The following GRIA1 variants were observed in gnomAD, a reference collection of about 807,000 sequenced individuals.
The protein encoded by GRIA1 is glutamate ionotropic receptor AMPA type subunit 1, also known as glutamate receptor 1.
GRIA1 carries 31 observed loss-of-function variants against 99.2 expected under a neutral mutation model. The observed-to-expected ratio is 0.31, with a 90% CI of 0.23 to 0.42. The LOEUF (loss-of-function observed/expected upper bound fraction) is 0.42, where lower values mean the gene tolerates loss of function less well. Ranked by LOEUF, GRIA1 falls within the 10% of genes least tolerant of loss-of-function variation. The probability of loss-of-function intolerance (pLI) is 1.00; values close to 1 mark genes in which losing one functional copy is unlikely to be tolerated. For synonymous variants in GRIA1, 438 were observed against 432.4 expected, an observed-to-expected ratio of 1.01 and a Z score of -0.16; for missense variants, 782 against 1,157.5, an observed-to-expected ratio of 0.68 and a Z score of 4.71.
chr5:153,645,226 G>A (rs1441944594), intron 2 of GRIA1, among the ~76,000 whole-genome samples: 1 of 152,136 alleles, frequency 6.6e-6, no homozygotes, highest in East Asian at 1.9e-4. Context: ...TCAGTAACTA[G>A]AAGTATGCAA....
In GRIA1 at chr5:153,599,980, A is replaced by G. The variant is rs180808227; in HGVS notation, c.221-46948A>G. ...CTGTCGGCTTGACTAAAGTGTGTGC[A>G]GGGAGATGAAGCCCGCTAGATAAGG... On this transcript the variant is annotated intron_variant, in intron 2 of 15. Transcript: ENST00000285900. 4.5e-3 allele frequency among the ~76,000 whole-genome samples: 682 copies of G among 152,262 alleles called. 6 individuals carry two copies. Among genetic ancestry groups the G allele is most frequent in the African/African-American group, 0.016 (671 of 41,548 alleles).
chr5:153,713,565 G>A (rs1759473649), intron 11 of GRIA1, among the ~76,000 whole-genome samples: 2 of 152,218 alleles, frequency 1.3e-5, no homozygotes, highest in African/African-American at 4.8e-5. Context: ...AGTTTCACAA[G>A]CTCCAAAGGC....
intron 7 of GRIA1, among the ~76,000 whole-genome samples, chr5:153,680,797 A>G (rs10070086): frequency 0.14 from 21,970 of 152,182 alleles, 1,694 homozygotes; most frequent in South Asian, 0.19. Flanking sequence ...TCAGAGCAGA[A>G]TGCCATCACT....
intron 2 of GRIA1, among the ~76,000 whole-genome samples, chr5:153,569,269 G>A (rs1363766214): frequency 3.9e-5 from 6 of 152,150 alleles, no homozygotes; most frequent in African/African-American, 1.2e-4. Flanking sequence ...CAAGCACTTC[G>A]TTTCTACTAA....
At chr5:153,596,068 T>C (rs1281145804) in intron 2 of GRIA1, among the ~76,000 whole-genome samples, 1 of 150,924 alleles carries the variant, frequency 6.6e-6, no homozygotes, top group East Asian at 1.9e-4. Flanking sequence ...AAGTAGCAAA[T>C]TATGTCATTT....
chr5:153,609,800 A>G (rs1371455691), intron 2 of GRIA1, among the ~76,000 whole-genome samples: 1 of 151,896 alleles, frequency 6.6e-6, no homozygotes, highest in African/African-American at 2.4e-5. Flanking sequence ...TGACCTTGTG[A>G]TCTGCCGGCC....
At chr5:153,686,855 C>T (rs538305647) in intron 8 of GRIA1, among the ~76,000 whole-genome samples, 1 of 152,274 alleles carries the variant, frequency 6.6e-6, no homozygotes, top group African/African-American at 2.4e-5. Flanking sequence ...CTTGGAATAA[C>T]ATTTCGAATT....
intron 2 of GRIA1, among the ~76,000 whole-genome samples, chr5:153,516,292 C>G (rs745568880): frequency 2.6e-4 from 39 of 151,536 alleles, no homozygotes; most frequent in Non-Finnish European, 5.4e-4. Context: ...CCTTTAATTT[C>G]CCATTGGATA....
At chr5:153,762,640 T>C (rs1397799941) in intron 11 of GRIA1, among the ~76,000 whole-genome samples, 3 of 152,114 alleles carry the variant, frequency 2.0e-5, no homozygotes, top group Non-Finnish European at 4.4e-5. Flanking sequence ...AAGCAACTGG[T>C]CCCTAACCCC....
rs70978504 is a variant in GRIA1 at position 153,701,619 on chromosome 5, CAAAAAAAAAA to C, written c.1452+2560_1452+2569del. 1.8e-4 allele frequency among the ~76,000 whole-genome samples: 7 copies of C among 39,426 alleles called. 1 individual carries two copies. Among genetic ancestry groups the C allele is most frequent in the African/African-American group, 6.4e-4 (7 of 10,856 alleles). The allele number at this position is 39,426 out of a possible 152,430, so 25.9% of individuals were successfully genotyped here. On this transcript the variant is annotated intron_variant, in intron 10 of 15. Transcript: ENST00000285900. ...CTGGGCGACAAAGCGAGACCCGTCT[CAAAAAAAAAA>C]AAAAAAAAAAAAATACTATGTTCTG...
chr5:153,710,472 C>T (rs931195163), intron 11 of GRIA1, among the ~76,000 whole-genome samples: 1 of 152,190 alleles, frequency 6.6e-6, no homozygotes, highest in African/African-American at 2.4e-5. Context: ...ATCTGCCTAC[C>T]TTGGCCTCCT....
At chr5:153,567,113 CTTGT>C (rs1167839271) in intron 2 of GRIA1, among the ~76,000 whole-genome samples, 2 of 152,086 alleles carry the variant, frequency 1.3e-5, no homozygotes, top group African/African-American at 4.8e-5. Context: ...TGTTGTTTAG[CTTGT>C]TTATTTGTTT....
chr5:153,670,646 T>A (rs1561749817), intron 5 of GRIA1, among the ~76,000 whole-genome samples: 1 of 152,082 alleles, frequency 6.6e-6, no homozygotes, highest in South Asian at 2.1e-4. Flanking sequence ...AGAAAAATGT[T>A]CTAATTACCA....
intron 2 of GRIA1, among the ~76,000 whole-genome samples, chr5:153,602,679 T>G (rs1297570917): frequency 6.6e-5 from 10 of 152,198 alleles, no homozygotes; most frequent in Admixed American, 6.5e-4. Context: ...CAGCCATCGT[T>G]GCTAGCTAGT....
intron 2 of GRIA1, among the ~76,000 whole-genome samples, chr5:153,590,641 A>G (rs17114851): frequency 6.6e-6 from 1 of 152,132 alleles, no homozygotes; most frequent in South Asian, 2.1e-4. Flanking sequence ...GGCTTTGTGG[A>G]AATGATACCA....
intron 5 of GRIA1, among the ~76,000 whole-genome samples, chr5:153,658,724 G>T (rs971721798): frequency 2.6e-5 from 4 of 152,206 alleles, no homozygotes; most frequent in African/African-American, 9.6e-5. Context: ...TGTAATTATA[G>T]AGTTAGAGAC....
At chr5:153,777,987 G>A (rs1012867828) in intron 13 of GRIA1, among the ~76,000 whole-genome samples, 1 of 152,132 alleles carries the variant, frequency 6.6e-6, no homozygotes, top group Non-Finnish European at 1.5e-5. Context: ...GACCCAGGTC[G>A]GGCCTGATCA....
chr5:153,639,514 G>T (rs1057245878), intron 2 of GRIA1, among the ~76,000 whole-genome samples: 7 of 152,126 alleles, frequency 4.6e-5, no homozygotes, highest in Admixed American at 3.9e-4. Context: ...TCCTTCTTAG[G>T]GTTCATTTCT....
intron 8 of GRIA1, among the ~76,000 whole-genome samples, chr5:153,688,207 G>T (rs1250829773): frequency 6.6e-6 from 1 of 152,112 alleles, no homozygotes; most frequent in African/African-American, 2.4e-5. Flanking sequence ...ACAGTAACCT[G>T]CCTTGACTTA....
Sources: allele counts gnomAD v4.1 joint callset (sites outside exome capture counted in the v4.1 genomes callset), GRCh38; gene constraint gnomAD v4.1.1; transcripts MANE v1.5; gene names NCBI Gene and HGNC (gene_info 2026-07-23, HGNC 2026-07-21).